The following PARD3B variants were observed in gnomAD, a reference collection of about 807,000 sequenced individuals.
The protein encoded by PARD3B is par-3 family cell polarity regulator beta, also known as partitioning defective 3 homolog B.
A neutral mutation model predicts 130.2 loss-of-function variants in PARD3B; 103 were observed. The observed-to-expected ratio is 0.79, with a 90% CI of 0.67 to 0.93. The LOEUF (loss-of-function observed/expected upper bound fraction) is 0.93, where lower values mean the gene tolerates loss of function less well. PARD3B is among the 40% of genes least tolerant of loss of function. PARD3B has a pLI of 0.00. For synonymous variants in PARD3B, 583 were observed against 553.2 expected (o/e 1.05, Z -0.76); for missense variants, 1,609 against 1,499.2 (o/e 1.07, Z -1.21).
chr2:205,504,536 C>T (rs2050276976), intron 21 of PARD3B, among the ~76,000 whole-genome samples: 1 of 152,162 alleles, frequency 6.6e-6, no homozygotes, highest in Non-Finnish European at 1.5e-5. Flanking sequence ...TGAACTCCAA[C>T]ACATTTACAA....
chr2:204,562,831 A>AT (rs1037620483), intron 1 of PARD3B, among the ~76,000 whole-genome samples: 27 of 148,632 alleles, frequency 1.8e-4, no homozygotes, highest in South Asian at 6.4e-4. Context: ...AATAAAAAAA[A>AT]TTTTTTTTTT....
At position 205,601,186 on chromosome 2, in the gene PARD3B, AT is replaced by A. The variant is rs577770706; in HGVS notation, c.3261-14269del. Among the ~76,000 whole-genome samples the A allele has an allele frequency of 3.4e-3, 515 of 152,146 alleles. 2 individuals carry two copies. The highest frequency in any genetic ancestry group is 0.012 in the African/African-American group (494 of 41,508). ...TCTGTTGTTTCTTGACTTTTTAATA[AT>A]CACCATTCTGACTGGCATAAGATGG... is the stretch of plus-strand genomic sequence containing the variant. On this transcript the variant is annotated intron_variant, in intron 22 of 22. Transcript: ENST00000406610.
At chr2:205,492,935 A>G (rs992639712) in intron 20 of PARD3B, among the ~76,000 whole-genome samples, 2 of 152,076 alleles carry the variant, frequency 1.3e-5, no homozygotes, top group South Asian at 2.1e-4. Context: ...TAAATCTTAA[A>G]TGCTCTTCAA....
At chr2:204,888,062 G>T (rs948576066) in intron 2 of PARD3B, among the ~76,000 whole-genome samples, 4 of 152,106 alleles carry the variant, frequency 2.6e-5, no homozygotes, top group African/African-American at 9.7e-5. Flanking sequence ...GGAGAATAAT[G>T]AGGGGGCTGA....
At chr2:204,569,863 A>T (rs1162871097) in intron 1 of PARD3B, among the ~76,000 whole-genome samples, 2 of 152,198 alleles carry the variant, frequency 1.3e-5, no homozygotes, top group South Asian at 2.1e-4. Context: ...ACATTGGGCC[A>T]CTTGTTGCTA....
chr2:204,919,175 G>T (rs553966315), intron 2 of PARD3B, among the ~76,000 whole-genome samples: 1 of 152,002 alleles, frequency 6.6e-6, no homozygotes, highest in African/African-American at 2.4e-5. Context: ...CCAAGTAATT[G>T]CAGACATCCA....
chr2:205,165,369 C>T (rs1286592021), intron 11 of PARD3B, among the ~76,000 whole-genome samples: 1 of 152,002 alleles, frequency 6.6e-6, no homozygotes, highest in Non-Finnish European at 1.5e-5. Context: ...TCAATGTGGC[C>T]ATAGTAAAGG....
chr2:204,818,615 T>C (rs1293619832), intron 2 of PARD3B, among the ~76,000 whole-genome samples: 1 of 152,102 alleles, frequency 6.6e-6, no homozygotes, highest in African/African-American at 2.4e-5. Context: ...TAAAAAGAAA[T>C]GTGAGGAAAA....
At chr2:204,909,720 A>G (rs996017871) in intron 2 of PARD3B, among the ~76,000 whole-genome samples, 5 of 152,196 alleles carry the variant, frequency 3.3e-5, no homozygotes, top group Non-Finnish European at 7.4e-5. Flanking sequence ...TGAGTGGAGC[A>G]CAGAGTTTCG....
intron 18 of PARD3B, among the ~76,000 whole-genome samples, chr2:205,362,001 A>AT (rs11373289): frequency 0.6 from 90,582 of 151,280 alleles, 30,365 homozygotes; most frequent in South Asian, 0.77. Context: ...TTAGAGTAAT[A>AT]TTTTTTTTAG....
intron 1 of PARD3B, among the ~76,000 whole-genome samples, chr2:204,589,797 T>G (rs1008122230): frequency 3.9e-5 from 6 of 152,220 alleles, no homozygotes; most frequent in Admixed American, 3.9e-4. Context: ...TTATTTTGTT[T>G]CTTATTTCAG....
chr2:205,499,017 C>T (rs1559150153), intron 20 of PARD3B, among the ~76,000 whole-genome samples: 1 of 152,138 alleles, frequency 6.6e-6, no homozygotes, highest in Admixed American at 6.5e-5. Context: ...CAGATTTTAA[C>T]GTCTGGTGCA....
intron 18 of PARD3B, among the ~76,000 whole-genome samples, chr2:205,334,619 T>A (rs1384825856): frequency 6.6e-6 from 1 of 152,242 alleles, no homozygotes; most frequent in Admixed American, 6.5e-5. Context: ...GAATATCACC[T>A]CTGCTTTTTG....
intron 20 of PARD3B, among the ~76,000 whole-genome samples, chr2:205,451,112 G>A (rs760387711): frequency 6.6e-5 from 10 of 152,186 alleles, no homozygotes; most frequent in African/African-American, 9.6e-5. Flanking sequence ...AAGGAATTTA[G>A]ATGGCCTTTT....
chr2:205,371,204 T>A (rs895793714), intron 18 of PARD3B, among the ~76,000 whole-genome samples: 1 of 152,240 alleles, frequency 6.6e-6, no homozygotes, highest in Non-Finnish European at 1.5e-5. Flanking sequence ...GAATATTCAC[T>A]TTTAATGTCT....
Position 205,185,927 on chromosome 2 carries a change from C to T in PARD3B, c.2024+64C>T. ...TTGTTTTTCTGGGAGAACACAGCAA[C>T]CTTATTCAGCAAACTTATTTTAACT... On this transcript the variant is annotated intron_variant, in intron 14 of 22. Coordinates refer to ENST00000406610, the MANE Select transcript of PARD3B (RefSeq NM_001302769.2). 11 of 1,285,064 alleles carry T rather than the reference C, an allele frequency of 8.6e-6. No homozygotes were observed. In the Middle Eastern group the frequency reaches 5.5e-4, roughly 65 times the overall value. 79.6% of individuals were successfully genotyped at this position (1,285,064 alleles called of 1,614,324 possible). A position where few individuals can be genotyped will look rare whatever the true frequency, so the allele number is the denominator to read the frequency against.
At chr2:204,699,454 G>A (rs1038844720) in intron 2 of PARD3B, among the ~76,000 whole-genome samples, 2 of 152,068 alleles carry the variant, frequency 1.3e-5, no homozygotes, top group East Asian at 3.9e-4. Flanking sequence ...TTCAGAACAT[G>A]CCACTCTTCC....
At chr2:204,708,349 G>A (rs1387241637) in intron 2 of PARD3B, among the ~76,000 whole-genome samples, 2 of 151,998 alleles carry the variant, frequency 1.3e-5, no homozygotes, top group African/African-American at 4.8e-5. Context: ...CATGATTTGT[G>A]ATTATGGAAG....
chr2:204,805,183 C>T (rs2042720780), intron 2 of PARD3B, among the ~76,000 whole-genome samples: 1 of 151,690 alleles, frequency 6.6e-6, no homozygotes, highest in South Asian at 2.1e-4. Context: ...AAATCTTTTG[C>T]CTAAAAGAGA....
Sources: gnomAD v4.1 joint callset for allele counts (sites outside exome capture counted in the v4.1 genomes callset) on GRCh38, gnomAD v4.1.1 for gene constraint, MANE v1.5 for transcripts, NCBI Gene and HGNC (gene_info 2026-07-23, HGNC 2026-07-21) for gene names.